The following SPAG1 variants were observed in gnomAD, a reference collection of about 807,000 sequenced individuals.
The protein encoded by SPAG1 is sperm-associated antigen 1.
SPAG1 carries 69 observed loss-of-function variants against 100.5 expected under a neutral mutation model. The ratio of observed to expected loss-of-function variants is 0.69; its 90% confidence interval spans 0.57 to 0.84. The LOEUF (loss-of-function observed/expected upper bound fraction) is 0.84. Ranked by LOEUF, SPAG1 falls within the 40% of genes least tolerant of loss-of-function variation. SPAG1 has a pLI of 0.00. For synonymous variants in SPAG1, 336 were observed against 411.6 expected (o/e 0.82, Z 2.22); for missense variants, 955 against 1,133.1 (o/e 0.84, Z 2.26).
intron 16 of SPAG1, among the ~76,000 whole-genome samples, chr8:100,237,597 T>G (rs1325570261): frequency 6.6e-6 from 1 of 152,180 alleles, no homozygotes; most frequent in Admixed American, 6.5e-5. Flanking sequence ...AAGTCTGTCT[T>G]TCTTTGTCTT....
At position 100,184,741 on chromosome 8, in the gene SPAG1, G is replaced by A; in HGVS notation, c.701+8G>A. ...AGTGATGTATTATACCAGGTGAGCA[G>A]ATGTTTGTTGGGGTTTAAACTTGCC... On this transcript the variant is annotated splice_region_variant and intron_variant, in intron 7 of 18. Coordinates refer to ENST00000388798, the MANE Select transcript of SPAG1 (RefSeq NM_003114.5). 1.3e-6 allele frequency: 2 copies of A among 1,507,588 alleles called. No individual in the cohort carries two copies. The highest frequency in any genetic ancestry group is 1.2e-5 in the South Asian group (1 of 81,942). The allele number at this position is 1,507,588 out of a possible 1,614,324, so 93.4% of individuals were successfully genotyped here. A position where few individuals can be genotyped will look rare whatever the true frequency, so the allele number is the denominator to read the frequency against.
At chr8:100,184,778 G>T (rs888055696) in intron 7 of SPAG1, 45 bp downstream of exon 7, 14 of 1,105,734 alleles carry the variant, frequency 1.3e-5, no homozygotes, top group African/African-American at 4.9e-5. Context: ...TTTAAAAAAT[G>T]ATAATGTTTT....
chr8:100,178,072 TGGCTGGGAACTATC>T (rs1283777970), intron 4 of SPAG1, 131 bp downstream of exon 4: 6 of 624,078 alleles, frequency 9.6e-6, no homozygotes, highest in South Asian at 3.8e-5. Flanking sequence ...TTTGTTCAGC[TGGCTGGGAACTATC>T]GGCTGGGAAC....
chr8:100,204,731 TG>T (rs1817433435), intron 10 of SPAG1, among the ~76,000 whole-genome samples: 1 of 152,270 alleles, frequency 6.6e-6, no homozygotes, highest in Admixed American at 6.5e-5. Flanking sequence ...CCTTGATGAA[TG>T]CCTTGTAAAA....
chr8:100,209,560 T>C (rs78493565), intron 10 of SPAG1, among the ~76,000 whole-genome samples: 5,046 of 151,928 alleles, frequency 0.033, 282 homozygotes, highest in African/African-American at 0.11. Context: ...GCAAAAAGTT[T>C]TGATAGGATT....
At chr8:100,236,423 T>C (rs1819008978) in intron 16 of SPAG1, among the ~76,000 whole-genome samples, 1 of 152,202 alleles carries the variant, frequency 6.6e-6, no homozygotes, top group South Asian at 2.1e-4. Flanking sequence ...GGATTACAGA[T>C]GTGTGCCACC....
chr8:100,199,125 G>C (rs955096060), intron 10 of SPAG1, among the ~76,000 whole-genome samples: 2 of 152,182 alleles, frequency 1.3e-5, no homozygotes, highest in African/African-American at 4.8e-5. Flanking sequence ...AGATTTTCTT[G>C]TGCATTATTT....
chr8:100,220,146 T>C, intron 12 of SPAG1, 133 bp from the exon 13 acceptor site: 2 of 681,754 alleles, frequency 2.9e-6, no homozygotes, highest in Non-Finnish European at 4.7e-6. Flanking sequence ...TCTGGCATGT[T>C]GCCTGGTTCC....
At chr8:100,224,091 A>G (rs1351988825) in intron 13 of SPAG1, among the ~76,000 whole-genome samples, 1 of 152,176 alleles carries the variant, frequency 6.6e-6, no homozygotes, top group Non-Finnish European at 1.5e-5. Flanking sequence ...TTTTAATTTT[A>G]TTTTTAAATC....
chr8:100,175,543 C>T (rs534093035), intron 3 of SPAG1, among the ~76,000 whole-genome samples: 51 of 152,250 alleles, frequency 3.3e-4, no homozygotes, highest in Admixed American at 5.2e-4. Flanking sequence ...GCCTCAGCTT[C>T]CAAAGTTCTG....
chr8:100,163,473 G>C (rs746295891), intron 2 of SPAG1, among the ~76,000 whole-genome samples: 1 of 150,412 alleles, frequency 6.6e-6, no homozygotes, highest in Non-Finnish European at 1.5e-5. Context: ...TCCTGGACTT[G>C]AGCAATCCTC....
intron 3 of SPAG1, 142 bp downstream of exon 3, chr8:100,166,115 C>G (rs1039989268): frequency 4.6e-6 from 3 of 652,422 alleles, no homozygotes; most frequent in Non-Finnish European, 7.7e-6. Flanking sequence ...CTTTTTACAC[C>G]CAGGGGAACA....
intron 2 of SPAG1, among the ~76,000 whole-genome samples, chr8:100,164,240 G>T (rs1007837619): frequency 2.6e-4 from 39 of 152,042 alleles, no homozygotes; most frequent in African/African-American, 8.7e-4. Flanking sequence ...TTCTCTTTCT[G>T]CTAGTCTCTA....
chr8:100,200,586 C>A (rs993474795), intron 10 of SPAG1, among the ~76,000 whole-genome samples: 1 of 152,230 alleles, frequency 6.6e-6, no homozygotes, highest in African/African-American at 2.4e-5. Flanking sequence ...GTTTCTATTT[C>A]TCCACATCCT....
intron 13 of SPAG1, among the ~76,000 whole-genome samples, chr8:100,221,401 A>T (rs1246388645): frequency 6.6e-6 from 1 of 152,222 alleles, no homozygotes; most frequent in Non-Finnish European, 1.5e-5. Flanking sequence ...TGGGAAGGTA[A>T]AAACTTCCAG....
chr8:100,240,401 A>T lies in SPAG1; in HGVS notation c.2281-2A>T. ...CAATGCATTTTTCTTTTCTTCATGA[A>T]GGTGAATGAAGGCAAGGAGGAGCCT... On this transcript the variant is annotated splice_acceptor_variant, in intron 17 of 18. Coordinates refer to ENST00000388798, the MANE Select transcript of SPAG1 (RefSeq NM_003114.5). LOFTEE classifies it high-confidence loss of function. 1.3e-6 allele frequency: 2 copies of T among 1,581,902 alleles called. No homozygotes were observed. The highest frequency in any genetic ancestry group is 2.2e-5 in the East Asian group (1 of 44,732).
chr8:100,214,315 C>G (rs773169707), intron 12 of SPAG1, among the ~76,000 whole-genome samples: 16 of 152,228 alleles, frequency 1.1e-4, no homozygotes, highest in Non-Finnish European at 2.2e-4. Context: ...TGTCACTACA[C>G]TGCCTCCAAG....
rs917851685 is a variant in SPAG1, at chr8:100,213,833, G to A, written c.1450G>A (p.Asp484Asn). ...GTGATTTTTAGGAAGTGAAATTGCA[G>A]ATGATCTAAGTATCTTATATTCAAA... Reference protein sequence around the residue: ...LLEPAGSEIADDLSILYSNRA... With the variant: ...LLEPAGSEIANDLSILYSNRA... The change falls in exon 12 of 19, where the codon GAT (aspartate) becomes AAT (asparagine). Residue 484 changes from aspartate to asparagine, a missense_variant. By Grantham distance (23) the Asp-to-Asn change is conservative (BLOSUM62 1). Coordinates refer to ENST00000388798, the MANE Select transcript of SPAG1 (RefSeq NM_003114.5). 7 of 1,581,394 alleles carry A rather than the reference G, an allele frequency of 4.4e-6. No homozygotes were observed. The highest frequency in any genetic ancestry group is 6.1e-6 in the Non-Finnish European group (7 of 1,154,384).
intron 10 of SPAG1, among the ~76,000 whole-genome samples, chr8:100,212,799 C>T (rs941565436): frequency 1.3e-5 from 2 of 152,206 alleles, no homozygotes; most frequent in African/African-American, 4.8e-5. Flanking sequence ...CTCTGAGATG[C>T]CGGTTTTCAG....
Sources: gnomAD v4.1 joint callset for allele counts (sites outside exome capture counted in the v4.1 genomes callset) on GRCh38, gnomAD v4.1.1 for gene constraint, MANE v1.5 for transcripts, NCBI Gene and HGNC (gene_info 2026-07-23, HGNC 2026-07-21) for gene names.